MACF1: variants seen among roughly 807,000 people sequenced by gnomAD.
The protein encoded by MACF1 is microtubule actin crosslinking factor 1.
MACF1 carries 193 observed loss-of-function variants against 854.8 expected under a neutral mutation model. That is an observed-to-expected ratio of 0.23 (90% confidence interval 0.20 to 0.25). The LOEUF (loss-of-function observed/expected upper bound fraction) is 0.25. MACF1 is among the 10% of genes least tolerant of loss of function. The pLI, the probability that MACF1 is intolerant of heterozygous loss-of-function variation, is 1.00. For synonymous variants in MACF1, 3,185 were observed against 3,226.7 expected, an observed-to-expected ratio of 0.99 and a Z score of 0.44; for missense variants, 7,722 against 8,929.1, an observed-to-expected ratio of 0.86 and a Z score of 5.45.
At chr1:39,442,657 G>A in intron 77 of MACF1, 57 bp from the exon 78 acceptor site, 2 of 1,610,144 alleles carry the variant, frequency 1.2e-6, no homozygotes, top group Non-Finnish European at 1.7e-6. Flanking sequence ...TATATCTTAA[G>A]AGAACCAAGT....
At chr1:39,284,884 C>A (rs771697268) in intron 11 of MACF1, among the ~76,000 whole-genome samples, 199 bp from the exon 12 acceptor site, 2 of 152,182 alleles carry the variant, frequency 1.3e-5, no homozygotes, top group Non-Finnish European at 2.9e-5. Context: ...GTAGTCCCTA[C>A]ATTCTAGAGG....
chr1:39,414,551 G>A (rs749177613), intron 58 of MACF1: 23 of 1,589,810 alleles, frequency 1.4e-5, no homozygotes, highest in African/African-American at 4.0e-5. Context: ...TGGTGGTGAT[G>A]AGAAATGGCA....
intron 36 of MACF1, 140 bp from the exon 37 acceptor site, chr1:39,331,063 G>A (rs1456093536): frequency 4.0e-6 from 5 of 1,251,010 alleles, no homozygotes; most frequent in Non-Finnish European, 5.3e-6. Context: ...GCAGATTATA[G>A]GCGTGAGCCA....
At chr1:39,196,643 A>C (rs1644324135) in intron 2 of MACF1, among the ~76,000 whole-genome samples, 2 of 152,206 alleles carry the variant, frequency 1.3e-5, no homozygotes, top group Admixed American at 1.3e-4. Context: ...TCTCTTTGTA[A>C]GCATTATTTT....
At chr1:39,441,605 G>T (rs1277360629) in intron 74 of MACF1, among the ~76,000 whole-genome samples, 4 of 152,170 alleles carry the variant, frequency 2.6e-5, no homozygotes, top group Non-Finnish European at 5.9e-5. Context: ...GTCATTGCTT[G>T]CCAGAGGTTC....
chr1:39,277,564 CAT>C (rs1406674739), intron 6 of MACF1, among the ~76,000 whole-genome samples: 2 of 152,272 alleles, frequency 1.3e-5, no homozygotes, highest in East Asian at 1.9e-4. Flanking sequence ...TTGGGATAAT[CAT>C]ATGTTAGTTA....
In MACF1 at chr1:39,433,054, T is replaced by A. The variant is rs769942125; in HGVS notation, c.17464T>A (p.Ser5822Thr). 4.4e-6 allele frequency: 7 copies of A among 1,599,030 alleles called. No individual in the cohort carries two copies. Among genetic ancestry groups the A allele is most frequent in the Non-Finnish European group, 6.0e-6 (7 of 1,168,468 alleles). ...TAQLQVQKAFSIDIIRHKDSM... is the reference protein window; with the variant it reads ...TAQLQVQKAFTIDIIRHKDSM... ...TACAGTTTACTTTTCAAAGGCTTTCTCCATTGACATTATTCGACACAAAGA... is the reference window on the plus strand; with the variant it reads ...TACAGTTTACTTTTCAAAGGCTTTCACCATTGACATTATTCGACACAAAGA... The change falls in exon 68 of 101, where the codon TCC (serine) becomes ACC (threonine). Residue 5822 changes from serine (S) to threonine (T), a missense_variant. Physicochemically the swap from Ser to Thr is moderately conservative, Grantham distance 58. This residue lies in a region of MACF1 where 2,807 missense variants were observed against 3,235.8 expected (regional missense o/e 0.87). Coordinates refer to ENST00000564288, the MANE Select transcript of MACF1 (RefSeq NM_001394062.1).
At chr1:39,138,547 T>C (rs1262293278) in intron 2 of MACF1, among the ~76,000 whole-genome samples, 2 of 150,942 alleles carry the variant, frequency 1.3e-5, no homozygotes, top group Non-Finnish European at 3.0e-5. Context: ...ATCGCGCCAC[T>C]GCACTCCAGC....
At chr1:39,467,504 C>T (rs1275185813) in intron 95 of MACF1, among the ~76,000 whole-genome samples, 2 of 152,246 alleles carry the variant, frequency 1.3e-5, no homozygotes, top group African/African-American at 2.4e-5. Flanking sequence ...TTTGTTGCTC[C>T]TTACTTCATT....
intron 2 of MACF1, among the ~76,000 whole-genome samples, chr1:39,141,022 G>A (rs1643333316): frequency 6.6e-6 from 1 of 150,958 alleles, no homozygotes; most frequent in Non-Finnish European, 1.5e-5. Context: ...TTACACTGGA[G>A]TAAACTGAAG....
intron 87 of MACF1, among the ~76,000 whole-genome samples, chr1:39,453,283 A>G (rs749918163): frequency 1.3e-5 from 2 of 152,198 alleles, no homozygotes; most frequent in South Asian, 2.1e-4. Context: ...GATTTTAATC[A>G]TGGATTTGTT....
chr1:39,438,232 G>C (rs1221075426), intron 71 of MACF1, among the ~76,000 whole-genome samples: 1 of 152,154 alleles, frequency 6.6e-6, no homozygotes, highest in African/African-American at 2.4e-5. Context: ...GGAAACAAAA[G>C]CTCCTTTAAC....
intron 51 of MACF1, among the ~76,000 whole-genome samples, chr1:39,370,495 A>G (rs111799085): frequency 2.0e-5 from 3 of 152,208 alleles, no homozygotes; most frequent in African/African-American, 7.2e-5. Context: ...CTAGAATCAG[A>G]TGGTTGGAAG....
At chr1:39,326,657 G>A (rs1299560154) in intron 35 of MACF1, among the ~76,000 whole-genome samples, 3 of 146,572 alleles carry the variant, frequency 2.0e-5, no homozygotes, top group East Asian at 3.9e-4. Flanking sequence ...CTTCAACCTG[G>A]GTGACAGAGC....
rs1043355175 is a variant in MACF1, at chr1:39,485,950, T to C, written c.*156T>C. 28 of 793,566 alleles carry C rather than the reference T, an allele frequency of 3.5e-5. No individual in the cohort carries two copies. In the African/African-American group the frequency reaches 4.8e-4, roughly 14 times the overall value. 49.2% of individuals were successfully genotyped at this position (793,566 alleles called of 1,614,324 possible). ...TATTTTTTTTCTTTTTGTAAGTTAC[T>C]ATTTTCATGTGAATATTTATGTAGA... On this transcript the variant is annotated 3_prime_UTR_variant, in exon 101 of 101. Coordinates refer to ENST00000564288, the MANE Select transcript of MACF1 (RefSeq NM_001394062.1).
At chr1:39,239,959 A>G (rs540853880) in intron 2 of MACF1, among the ~76,000 whole-genome samples, 11 of 152,168 alleles carry the variant, frequency 7.2e-5, no homozygotes, top group South Asian at 6.2e-4. Flanking sequence ...AGTTATCCCT[A>G]TGTTCCCTAG....
At position 39,409,608 on chromosome 1, in the gene MACF1, A is replaced by C. The variant is rs1265377646; in HGVS notation, c.15817-12766A>C. The C allele has an allele frequency of 2.6e-5, 4 of 152,274 alleles. No individual in the cohort carries two copies. Among genetic ancestry groups the C allele is most frequent in the African/African-American group, 7.2e-5 (3 of 41,476 alleles). The allele number at this position is 152,274 out of a possible 1,614,324, so 9.4% of individuals were successfully genotyped here. On this transcript the variant is annotated intron_variant, in intron 58 of 100. Coordinates refer to ENST00000564288, the MANE Select transcript of MACF1 (RefSeq NM_001394062.1). This position sits in a 1 kb window ranked among gnomAD's most constrained non-coding sequence, Gnocchi z 4.2. ...ACAGCGCAGGGTTGGCCTGGGAGCCACAACAATGCCATGATGTTTTGGAGA... is the reference window on the plus strand; with the variant it reads ...ACAGCGCAGGGTTGGCCTGGGAGCCCCAACAATGCCATGATGTTTTGGAGA...
At chr1:39,393,747 T>A (rs1642150299) in intron 58 of MACF1, among the ~76,000 whole-genome samples, 1 of 151,180 alleles carries the variant, frequency 6.6e-6, no homozygotes, top group South Asian at 2.1e-4. Flanking sequence ...ACGTTGACGC[T>A]GCAGTGAGCT....
chr1:39,338,435 G>C (rs543282037), intron 38 of MACF1, among the ~76,000 whole-genome samples: 6 of 152,108 alleles, frequency 3.9e-5, no homozygotes, highest in Non-Finnish European at 8.8e-5. Context: ...TTATACTACA[G>C]AACTCCCCAA....
Sources: allele counts gnomAD v4.1 joint callset (sites outside exome capture counted in the v4.1 genomes callset), GRCh38; gene constraint gnomAD v4.1.1; regional missense constraint gnomAD v4.1.1; non-coding constraint Gnocchi (gnomAD v3.1); transcripts MANE v1.5; gene names NCBI Gene and HGNC (gene_info 2026-07-23, HGNC 2026-07-21).